The following ATP8B1 variants were observed in gnomAD, a reference collection of about 807,000 sequenced individuals.
ATP8B1 encodes ATPase phospholipid transporting 8B1, also known as phospholipid-transporting ATPase IC.
In ATP8B1, 80 loss-of-function variants were observed where a neutral mutation model predicts 149.9. The ratio of observed to expected loss-of-function variants is 0.53; its 90% confidence interval spans 0.45 to 0.64. The LOEUF (loss-of-function observed/expected upper bound fraction) is 0.64. ATP8B1 is among the 30% of genes least tolerant of loss of function. The pLI is 0.00. For synonymous variants in ATP8B1, 536 were observed against 562.8 expected (o/e 0.95, Z 0.67); for missense variants, 1,247 against 1,552.6 (o/e 0.80, Z 3.31).
At chr18:57,732,786 C>G (rs1327514636) in intron 1 of ATP8B1, among the ~76,000 whole-genome samples, 3 of 152,058 alleles carry the variant, frequency 2.0e-5, no homozygotes, top group East Asian at 3.9e-4. Context: ...TGGTCTCGAA[C>G]TCCTGACCTC....
At chr18:57,666,418 T>A (rs1421093511) in intron 20 of ATP8B1, among the ~76,000 whole-genome samples, 8 of 152,102 alleles carry the variant, frequency 5.3e-5, no homozygotes. Context: ...TTTCCTTTCT[T>A]CTATTTCCCT....
At chr18:57,736,161 T>C (rs1421242973) in intron 1 of ATP8B1, among the ~76,000 whole-genome samples, 1 of 152,186 alleles carries the variant, frequency 6.6e-6, no homozygotes, top group Non-Finnish European at 1.5e-5. Context: ...TCTCATTCTT[T>C]TTTATGGCTG....
At chr18:57,696,462 C>A in intron 8 of ATP8B1, among the ~76,000 whole-genome samples, 1 of 148,914 alleles carries the variant, frequency 6.7e-6, no homozygotes. Flanking sequence ...TAAGCCTTTA[C>A]AATTAAGAAG....
At chr18:57,673,783 A>G (rs571417100) in intron 16 of ATP8B1, among the ~76,000 whole-genome samples, 5 of 152,250 alleles carry the variant, frequency 3.3e-5, no homozygotes, top group South Asian at 2.1e-4. Context: ...TAACTTTTCT[A>G]TAAGTTTGAG....
intron 11 of ATP8B1, 80 bp from the exon 12 acceptor site, chr18:57,692,077 A>T: frequency 6.5e-7 from 1 of 1,546,362 alleles, no homozygotes; most frequent in South Asian, 1.2e-5. Context: ...AATTAACCTT[A>T]CTCAATACTT....
rs529134540 is a variant in ATP8B1, at chr18:57,743,538, C to T, written c.-25-11706G>A. Among the ~76,000 whole-genome samples, 4 of 152,184 alleles carry T rather than the reference C, an allele frequency of 2.6e-5. No homozygotes were observed. The South Asian group carries it at 6.2e-4, about 24-fold the overall frequency. On this transcript the variant is annotated intron_variant, in intron 1 of 27. Coordinates refer to ENST00000648908, the MANE Select transcript of ATP8B1 (RefSeq NM_001374385.1). ...GTGAGAGCAATCATTATTTCCTAGA[C>T]GGTTTTTGAGCTGGGCAACCTGGGA...
chr18:57,705,147 CA>C (rs1913327201), intron 3 of ATP8B1, among the ~76,000 whole-genome samples: 1 of 152,174 alleles, frequency 6.6e-6, no homozygotes, highest in South Asian at 2.1e-4. Flanking sequence ...AGCCAAGCCT[CA>C]AAATGACTAC....
Position 57,736,611 on chromosome 18 carries a change from C to T in ATP8B1, c.-25-4779G>A, listed in dbSNP as rs2062390483. Among the ~76,000 whole-genome samples the T allele has an allele frequency of 5.0e-5, 7 of 138,790 alleles. 1 individual carries two copies. The South Asian group carries it at 1.7e-3, about 34-fold the overall frequency. 91.1% of individuals were successfully genotyped at this position (138,790 alleles called of 152,430 possible). On this transcript the variant is annotated intron_variant, in intron 1 of 27. Transcript: ENST00000648908. ...AAGTAACTGGGACTACCAGTGCATG[C>T]CACCATGCCTATTTTTTTTTTTTTT...
chr18:57,694,434 C>G, intron 11 of ATP8B1, 148 bp downstream of exon 11: 1 of 587,786 alleles, frequency 1.7e-6, no homozygotes, highest in South Asian at 2.1e-5. Context: ...AAAAAAATCC[C>G]TTCTTCCTGC....
Position 57,749,184 on chromosome 18 carries a change from A to C in ATP8B1, c.-25-17352T>G, listed in dbSNP as rs143977934. On this transcript the variant is annotated intron_variant, in intron 1 of 27. Transcript: ENST00000648908. ...TGCTTCCCCTTTAAAATCTCTGTGT[A>C]CTTTCATGGGTGCAGTAGCACATGG... Among the ~76,000 whole-genome samples, 395 of 152,316 alleles carry C rather than the reference A, an allele frequency of 2.6e-3. 1 individual carries two copies. In the Middle Eastern group the frequency reaches 0.031, roughly 12 times the overall value.
intron 23 of ATP8B1, 138 bp from the exon 24 acceptor site, chr18:57,654,213 C>T: frequency 1.2e-6 from 1 of 820,936 alleles, no homozygotes; most frequent in Non-Finnish European, 2.0e-6. Context: ...TGCTATGTTG[C>T]CTAGGCTGGC....
intron 1 of ATP8B1, among the ~76,000 whole-genome samples, chr18:57,746,402 C>T (rs1411101479): frequency 7.9e-5 from 12 of 151,596 alleles, no homozygotes; most frequent in Non-Finnish European, 1.8e-4. Flanking sequence ...ACGATTTGTC[C>T]TGGTGCTGTT....
intron 21 of ATP8B1, 115 bp downstream of exon 21, chr18:57,662,368 T>C (rs1360347584): frequency 1.8e-5 from 23 of 1,291,890 alleles, no homozygotes; most frequent in Non-Finnish European, 2.3e-5. Flanking sequence ...CACACTTTCA[T>C]GTATAGGCTA....
At chr18:57,732,393 A>G (rs1347436612) in intron 1 of ATP8B1, among the ~76,000 whole-genome samples, 1 of 148,978 alleles carries the variant, frequency 6.7e-6, no homozygotes, top group Non-Finnish European at 1.5e-5. Flanking sequence ...CAATATTTCA[A>G]ATTAGGGGGT....
At position 57,648,468 on chromosome 18, in the gene ATP8B1, C is replaced by T. The variant is rs751020409; in HGVS notation, c.*20G>A. 12 of 1,610,800 alleles carry T rather than the reference C, an allele frequency of 7.4e-6. No homozygotes were observed. The highest frequency in any genetic ancestry group is 9.3e-6 in the Non-Finnish European group (11 of 1,179,796). Reference sequence around the variant, plus strand: ...AAATAGACGTGCTTTGTGGCCGCATCCCAGCCTGGGGGTAAGGGATCAGCT... The same window carrying T: ...AAATAGACGTGCTTTGTGGCCGCATTCCAGCCTGGGGGTAAGGGATCAGCT... On this transcript the variant is annotated 3_prime_UTR_variant, in exon 28 of 28. Coordinates refer to ENST00000648908, the MANE Select transcript of ATP8B1 (RefSeq NM_001374385.1).
intron 1 of ATP8B1, among the ~76,000 whole-genome samples, chr18:57,782,705 A>C (rs2080367734): frequency 1.3e-5 from 2 of 151,926 alleles, no homozygotes; most frequent in South Asian, 4.1e-4. Flanking sequence ...AGATAATATG[A>C]AATCTATTTG....
rs1318180572 is a variant in ATP8B1, at chr18:57,784,713, T to C, written c.-26+18285A>G. Among the ~76,000 whole-genome samples the C allele has an allele frequency of 6.6e-6, 1 of 152,130 alleles. No homozygotes were observed. Among genetic ancestry groups the C allele is most frequent in the Non-Finnish European group, 1.5e-5 (1 of 68,026 alleles). On this transcript the variant is annotated intron_variant, in intron 1 of 27. Transcript: ENST00000648908. This position sits in a 1 kb window ranked among gnomAD's most constrained non-coding sequence, Gnocchi z 4.4. The stretch of plus-strand genomic sequence containing the variant: ...ATTATGAAACGTGCCTATGACTAAG[T>C]CCTGCGAAACCGTAGCATTTTAAGA...
rs1260212169 is a variant in ATP8B1 at position 57,647,202 on chromosome 18, T to C, written c.*1286A>G. The stretch of plus-strand genomic sequence containing the variant: ...ATATCCTCAGTTTTTAAAAACCCCC[T>C]TTTTAAGCCCATAAATATTTATATG... On this transcript the variant is annotated 3_prime_UTR_variant, in exon 28 of 28. Transcript: ENST00000648908. The C allele has an allele frequency of 1.3e-5, 2 of 152,196 alleles. No homozygotes were observed. The highest frequency in any genetic ancestry group is 2.4e-5 in the African/African-American group (1 of 41,454). The allele number at this position is 152,196 out of a possible 1,614,324, so 9.4% of individuals were successfully genotyped here.
At chr18:57,794,841 C>A (rs2080497675) in intron 1 of ATP8B1, among the ~76,000 whole-genome samples, 1 of 150,076 alleles carries the variant, frequency 6.7e-6, no homozygotes, top group African/African-American at 2.5e-5. Context: ...ATATGACTGC[C>A]AGCTCAGTGA....
Sources: allele counts gnomAD v4.1 joint callset (sites outside exome capture counted in the v4.1 genomes callset), GRCh38; gene constraint gnomAD v4.1.1; non-coding constraint Gnocchi (gnomAD v3.1); transcripts MANE v1.5; gene names NCBI Gene and HGNC (gene_info 2026-07-23, HGNC 2026-07-21).